Variants in CRPPA observed in about 807,000 individuals in gnomAD.
CRPPA encodes the protein CDP-L-ribitol pyrophosphorylase A.
A neutral mutation model predicts 52.0 loss-of-function variants in CRPPA; 43 were observed. The ratio of observed to expected loss-of-function variants is 0.83; its 90% CI spans 0.65 to 1.07. The LOEUF (loss-of-function observed/expected upper bound fraction) is 1.07, where lower values mean the gene tolerates loss of function less well. Among genes scored for constraint, CRPPA ranks in the 50% least tolerant of loss-of-function variants. CRPPA has a pLI of 0.00. For missense variants in CRPPA, 629 were observed against 551.7 expected (o/e 1.14, Z -1.40); for synonymous variants, 250 against 203.5 (o/e 1.23, Z -1.94).
intron 9 of CRPPA, among the ~76,000 whole-genome samples, chr7:16,211,671 G>C (rs536336271): frequency 3.9e-5 from 6 of 152,076 alleles, no homozygotes; most frequent in African/African-American, 1.4e-4. Context: ...CTATCTAGTG[G>C]ACACAGAGTA....
chr7:16,295,709 G>A (rs951958903), intron 5 of CRPPA, among the ~76,000 whole-genome samples: 9 of 151,986 alleles, frequency 5.9e-5, no homozygotes, highest in African/African-American at 1.7e-4. Flanking sequence ...GGTTGGAACC[G>A]TTTGTATGGC....
At chr7:16,095,764 C>T (rs1017350028) in intron 9 of CRPPA, among the ~76,000 whole-genome samples, 2 of 152,138 alleles carry the variant, frequency 1.3e-5, no homozygotes, top group African/African-American at 4.8e-5. Flanking sequence ...TTAAAGCTGT[C>T]AAAGTGGCTT....
chr7:16,193,762 C>T (rs1374116481), intron 9 of CRPPA, among the ~76,000 whole-genome samples: 1 of 152,026 alleles, frequency 6.6e-6, no homozygotes, highest in Non-Finnish European at 1.5e-5. Flanking sequence ...GACAGCACTG[C>T]TTTTGCTGAA....
intron 5 of CRPPA, among the ~76,000 whole-genome samples, chr7:16,283,742 C>T (rs1183470400): frequency 6.6e-6 from 1 of 151,720 alleles, no homozygotes; most frequent in East Asian, 1.9e-4. Flanking sequence ...TTTGATATTT[C>T]TGATATAAAA....
intron 9 of CRPPA, chr7:16,210,359 T>A (rs1455887572): frequency 6.6e-6 from 1 of 152,200 alleles, no homozygotes; most frequent in Non-Finnish European, 1.5e-5. Context: ...TCACCTCCCC[T>A]GAGTGTGGGT....
intron 2 of CRPPA, among the ~76,000 whole-genome samples, chr7:16,404,615 A>G (rs1358201026): frequency 6.6e-6 from 1 of 151,364 alleles, no homozygotes; most frequent in East Asian, 1.9e-4. Flanking sequence ...AAGGTAACAC[A>G]GGCAAAAAAA....
chr7:16,297,891 A>G (rs1030636688), intron 5 of CRPPA, among the ~76,000 whole-genome samples: 4 of 152,194 alleles, frequency 2.6e-5, no homozygotes, highest in African/African-American at 9.7e-5. Flanking sequence ...ACATGAGCCA[A>G]TCCCTCAAAA....
chr7:16,138,870 C>T (rs1249453471), intron 9 of CRPPA, among the ~76,000 whole-genome samples: 1 of 152,110 alleles, frequency 6.6e-6, no homozygotes, highest in Admixed American at 6.5e-5. Context: ...GGCACGATCT[C>T]GGCTCACTGC....
At chr7:16,183,784 C>T (rs1001884583) in intron 9 of CRPPA, among the ~76,000 whole-genome samples, 1 of 152,046 alleles carries the variant, frequency 6.6e-6, no homozygotes, top group African/African-American at 2.4e-5. Flanking sequence ...AGGAAGGTGC[C>T]TAAGAGAAGC....
intron 2 of CRPPA, among the ~76,000 whole-genome samples, chr7:16,385,766 G>C (rs562662787): frequency 2.6e-5 from 4 of 152,130 alleles, no homozygotes; most frequent in Admixed American, 6.5e-5. Context: ...TATGGAACCT[G>C]AGAGTTCCCT....
chr7:16,142,385 C>T (rs1221600185), intron 9 of CRPPA, among the ~76,000 whole-genome samples: 1 of 152,088 alleles, frequency 6.6e-6, no homozygotes, highest in Non-Finnish European at 1.5e-5. Context: ...AATAATGGAC[C>T]ACACTTAATG....
At chr7:16,278,051 T>G (rs1411635446) in intron 6 of CRPPA, 78 bp downstream of exon 6, 2 of 765,002 alleles carry the variant, frequency 2.6e-6, no homozygotes, top group East Asian at 5.4e-5. Flanking sequence ...TTATGGGTTT[T>G]TTTCCAAGAA....
chr7:16,382,393 A>G (rs543693323), intron 2 of CRPPA, among the ~76,000 whole-genome samples: 216 of 152,282 alleles, frequency 1.4e-3, no homozygotes, highest in African/African-American at 5.1e-3. Flanking sequence ...CTTTGCGGGT[A>G]ACCCAACCTT....
At chr7:16,178,322 G>GAGCCT (rs1331917130) in intron 9 of CRPPA, among the ~76,000 whole-genome samples, 2 of 152,068 alleles carry the variant, frequency 1.3e-5, no homozygotes, top group Admixed American at 1.3e-4. Context: ...TGGTAAAAGT[G>GAGCCT]AGTTATTAGC....
chr7:16,278,882 C>A (rs1784263281), intron 5 of CRPPA, among the ~76,000 whole-genome samples: 1 of 152,190 alleles, frequency 6.6e-6, no homozygotes, highest in Admixed American at 6.5e-5. Context: ...ATGAAGTCCT[C>A]CTCTATAGCA....
chr7:16,331,290 C>T (rs887505001), intron 3 of CRPPA, among the ~76,000 whole-genome samples: 15 of 152,162 alleles, frequency 9.9e-5, no homozygotes, highest in Non-Finnish European at 1.6e-4. Flanking sequence ...TGAGCCACTG[C>T]ACCTGGCCAG....
chr7:16,324,742 T>A (rs1330442754), intron 3 of CRPPA, among the ~76,000 whole-genome samples: 1 of 152,160 alleles, frequency 6.6e-6, no homozygotes, highest in Non-Finnish European at 1.5e-5. Flanking sequence ...CTGACAAAAA[T>A]GAGATGAAAC....
chr7:16,370,303 G>C (rs1051808132), intron 3 of CRPPA, among the ~76,000 whole-genome samples: 2 of 152,218 alleles, frequency 1.3e-5, no homozygotes, highest in African/African-American at 4.8e-5. Context: ...GATGGGGAGG[G>C]ACATGGCCTG....
At chr7:16,386,205 G>C (rs946675178) in intron 2 of CRPPA, among the ~76,000 whole-genome samples, 2 of 152,150 alleles carry the variant, frequency 1.3e-5, no homozygotes, top group African/African-American at 4.8e-5. Context: ...TGGCTGTCCA[G>C]TGGTCAATCT....
Sources: gnomAD v4.1 joint callset for allele counts (sites outside exome capture counted in the v4.1 genomes callset) on GRCh38, gnomAD v4.1.1 for gene constraint, MANE v1.5 for transcripts, NCBI Gene and HGNC (gene_info 2026-07-23, HGNC 2026-07-21) for gene names.